Variants in CNTN4 observed in about 807,000 individuals in gnomAD.
The protein encoded by CNTN4 is contactin-4.
CNTN4 carries 77 observed loss-of-function variants against 122.5 expected under a neutral mutation model. The observed-to-expected ratio is 0.63, with a 90% CI of 0.52 to 0.76. The LOEUF (loss-of-function observed/expected upper bound fraction) is 0.76, where lower values mean the gene tolerates loss of function less well. CNTN4 is among the 30% of genes least tolerant of loss of function. CNTN4 has a pLI of 0.00. For missense variants in CNTN4, 1,256 were observed against 1,259.1 expected (o/e 1.00, Z 0.04); for synonymous variants, 512 against 447.0 (o/e 1.15, Z -1.83).
intron 2 of CNTN4, among the ~76,000 whole-genome samples, chr3:2,338,138 A>C (rs2044032628): frequency 6.6e-6 from 1 of 152,090 alleles, no homozygotes; most frequent in Non-Finnish European, 1.5e-5. Context: ...TTAGGGGTAT[A>C]TGAGAAAGGT....
At chr3:2,828,344 C>A (rs1297540551) in intron 7 of CNTN4, among the ~76,000 whole-genome samples, 1 of 152,020 alleles carries the variant, frequency 6.6e-6, no homozygotes, top group Non-Finnish European at 1.5e-5. Flanking sequence ...AAATTAAAAG[C>A]CACAGGTGTC....
chr3:2,108,588 C>G (rs9790320), intron 2 of CNTN4, among the ~76,000 whole-genome samples: 3,196 of 152,170 alleles, frequency 0.021, 48 homozygotes, highest in Middle Eastern at 0.051. Flanking sequence ...AATTTGGAGG[C>G]AAAATTCTTA....
intron 4 of CNTN4, among the ~76,000 whole-genome samples, chr3:2,711,272 G>T (rs572716115): frequency 6.6e-6 from 1 of 152,296 alleles, no homozygotes; most frequent in East Asian, 1.9e-4. Flanking sequence ...TTTGGTCAGT[G>T]CCTGGGTAAT....
chr3:2,138,127 C>T (rs1253153726), intron 2 of CNTN4, among the ~76,000 whole-genome samples: 1 of 150,098 alleles, frequency 6.7e-6, no homozygotes, highest in Non-Finnish European at 1.5e-5. Flanking sequence ...AGTGCAGTGG[C>T]ACGATCTCAG....
At chr3:2,512,353 T>C (rs1263793083) in intron 3 of CNTN4, among the ~76,000 whole-genome samples, 1 of 152,126 alleles carries the variant, frequency 6.6e-6, no homozygotes, top group Non-Finnish European at 1.5e-5. Context: ...AGAAGTAATG[T>C]GAATTAAAAA....
At chr3:2,916,793 C>T (rs2094364237) in intron 12 of CNTN4, among the ~76,000 whole-genome samples, 2 of 150,192 alleles carry the variant, frequency 1.3e-5, no homozygotes, top group South Asian at 4.3e-4. Context: ...AGAGGGGCCC[C>T]CCACCTCCCA....
At chr3:2,120,405 A>ATATATATATATATATATATTTT (rs1428527983) in intron 2 of CNTN4, among the ~76,000 whole-genome samples, 1 of 40,872 alleles carries the variant, frequency 2.4e-5, no homozygotes, top group Non-Finnish European at 4.3e-5. Flanking sequence ...ATATATATAT[A>ATATATATATATATATATATTTT]TTTTTTTTTT....
intron 2 of CNTN4, among the ~76,000 whole-genome samples, chr3:2,310,838 C>T (rs1272874200): frequency 6.6e-6 from 1 of 152,088 alleles, no homozygotes; most frequent in Non-Finnish European, 1.5e-5. Context: ...CATTTGAATA[C>T]TGAAAAATTG....
chr3:2,271,736 G>GA (rs1210824676), intron 2 of CNTN4, among the ~76,000 whole-genome samples: 2 of 152,118 alleles, frequency 1.3e-5, no homozygotes, highest in Admixed American at 6.6e-5. Flanking sequence ...CCCAACTAAA[G>GA]AATGTATCTT....
intron 3 of CNTN4, among the ~76,000 whole-genome samples, chr3:2,505,477 A>G (rs924643551): frequency 1.3e-5 from 2 of 152,164 alleles, no homozygotes; most frequent in Non-Finnish European, 2.9e-5. Flanking sequence ...TTTATGTGTT[A>G]TTTTAGACCA....
intron 2 of CNTN4, among the ~76,000 whole-genome samples, chr3:2,324,813 C>T (rs1475745052): frequency 6.6e-6 from 1 of 151,682 alleles, no homozygotes; most frequent in Non-Finnish European, 1.5e-5. Context: ...CTACCCTCCC[C>T]TAGCCCCCAA....
chr3:2,200,020 A>G (rs187982776), intron 2 of CNTN4, among the ~76,000 whole-genome samples: 1 of 152,308 alleles, frequency 6.6e-6, no homozygotes, highest in East Asian at 1.9e-4. Context: ...TCTTGATGCA[A>G]TGGGACAGCA....
At chr3:2,640,149 C>G (rs927522957) in intron 4 of CNTN4, among the ~76,000 whole-genome samples, 1 of 152,160 alleles carries the variant, frequency 6.6e-6, no homozygotes, top group African/African-American at 2.4e-5. Flanking sequence ...GCTTTTCATG[C>G]AAGCTTTGTA....
At chr3:2,167,195 T>A (rs1314831518) in intron 2 of CNTN4, among the ~76,000 whole-genome samples, 3 of 152,262 alleles carry the variant, frequency 2.0e-5, no homozygotes, top group East Asian at 1.9e-4. Context: ...ACTTTTTTTT[T>A]AAATGGCACA....
At chr3:2,267,198 G>T (rs1292614089) in intron 2 of CNTN4, among the ~76,000 whole-genome samples, 4 of 152,016 alleles carry the variant, frequency 2.6e-5, no homozygotes, top group South Asian at 2.1e-4. Context: ...GCCACTGAAA[G>T]AACTATTTCC....
chr3:2,728,590 C>G (rs1001268289), intron 4 of CNTN4, among the ~76,000 whole-genome samples: 1 of 152,214 alleles, frequency 6.6e-6, no homozygotes, highest in African/African-American at 2.4e-5. Context: ...ACTGATTACA[C>G]ACACGGAGCA....
At chr3:2,169,656 C>A (rs1050351086) in intron 2 of CNTN4, among the ~76,000 whole-genome samples, 46 of 152,096 alleles carry the variant, frequency 3.0e-4, no homozygotes, top group African/African-American at 2.4e-5. Context: ...CTCCGCCTCC[C>A]AAAGTGCTGG....
intron 4 of CNTN4, among the ~76,000 whole-genome samples, chr3:2,609,957 A>C (rs184804987): frequency 3.3e-5 from 5 of 152,276 alleles, no homozygotes; most frequent in Admixed American, 3.3e-4. Context: ...TACCAAATAA[A>C]AGTAGCTTTT....
chr3:2,933,218 C>G (rs112056170), intron 13 of CNTN4, among the ~76,000 whole-genome samples: 1 of 152,204 alleles, frequency 6.6e-6, no homozygotes, highest in East Asian at 1.9e-4. Flanking sequence ...GTTATGCATT[C>G]GTCGCAGGGT....
Sources: gnomAD v4.1 joint callset for allele counts (sites outside exome capture counted in the v4.1 genomes callset) on GRCh38, gnomAD v4.1.1 for gene constraint, MANE v1.5 for transcripts, NCBI Gene and HGNC (gene_info 2026-07-23, HGNC 2026-07-21) for gene names.